The following PRR35 variants were observed in gnomAD, a reference collection of about 807,000 sequenced individuals.
PRR35 encodes proline-rich protein 35.
PRR35 carries 14 observed loss-of-function variants against 18.6 expected under a neutral mutation model. The observed-to-expected ratio is 0.75, with a 90% CI of 0.50 to 1.18. The LOEUF is 1.18. PRR35 is among the 50% of genes most tolerant of loss of function. PRR35 has a pLI of 0.00. For missense variants in PRR35, 832 were observed against 792.2 expected (o/e 1.05, Z -0.60); for synonymous variants, 425 against 378.2 (o/e 1.12, Z -1.43).
chr16:562,113 G>A (rs72767842), intron 1 of PRR35, among the ~76,000 whole-genome samples: 2 of 152,368 alleles, frequency 1.3e-5, no homozygotes, highest in Non-Finnish European at 2.9e-5. Flanking sequence ...CCACACAGGC[G>A]CGTGCTGGGG....
In PRR35 at chr16:564,258, C is replaced by G. The variant is rs1244365721; in HGVS notation, c.964C>G (p.Gln322Glu). 4.4e-6 allele frequency: 7 copies of G among 1,578,128 alleles called. No homozygotes were observed. In the African/African-American group the frequency reaches 6.7e-5, roughly 15 times the overall value. ...CCGAGTCACCCCCAGGGACCCAGGGCAGGAGGGGGAGCTGGAGCGGGCAGC... is the reference window on the plus strand; with the variant it reads ...CCGAGTCACCCCCAGGGACCCAGGGGAGGAGGGGGAGCTGGAGCGGGCAGC... Reference protein sequence around the residue: ...WPRVTPRDPGQEGELERAAQS... With the variant: ...WPRVTPRDPGEEGELERAAQS... The change falls in exon 2 of 3, where the codon CAG (glutamine) becomes GAG (glutamate). Residue 322 changes from glutamine (Q) to glutamate (E), a missense_variant. By Grantham distance (29) the Gln-to-Glu change is conservative. Coordinates refer to ENST00000409413, the MANE Select transcript of PRR35 (RefSeq NM_145270.3).
chr16:565,306 G>A lies in PRR35; in HGVS notation c.1715G>A (p.Ter572=), dbSNP rs767071508. 6.7e-7 allele frequency: 1 copy of A among 1,491,224 alleles called. No homozygotes were observed. Among genetic ancestry groups the A allele is most frequent in the Non-Finnish European group, 8.9e-7 (1 of 1,119,772 alleles). 92.4% of individuals were successfully genotyped at this position (1,491,224 alleles called of 1,614,324 possible). A position where few individuals can be genotyped will look rare whatever the true frequency, so the allele number is the denominator to read the frequency against. The change falls in exon 3 of 3, where the codon TGA becomes TAA. Residue 572 remains the stop codon, a stop_retained_variant. Transcript: ENST00000409413. ...CAGAGCCCCCAGGGCGCCGAGGTCT[G>A]ACCTGCAGCGCCTGAGGTCTGACTG... is the stretch of plus-strand genomic sequence containing the variant. ...GLQSPQGAEV[*]
At position 564,654 on chromosome 16, in the gene PRR35, G is replaced by C; in HGVS notation, c.1083-20G>C. On this transcript the variant is annotated intron_variant, in intron 2 of 2. Coordinates refer to ENST00000409413, the MANE Select transcript of PRR35 (RefSeq NM_145270.3). ...CGCTGTGGGGGCAGTGCGGCCTCCT[G>C]ACCAGCTTCCACCCCACAGCCTGCC... 1 of 1,510,234 alleles carries C rather than the reference G, an allele frequency of 6.6e-7. No individual in the cohort carries two copies. Among genetic ancestry groups the C allele is most frequent in the Non-Finnish European group, 8.8e-7 (1 of 1,134,160 alleles). The allele number at this position is 1,510,234 out of a possible 1,614,324, so 93.6% of individuals were successfully genotyped here. A position where few individuals can be genotyped will look rare whatever the true frequency, so the allele number is the denominator to read the frequency against.
At position 564,370 on chromosome 16, in the gene PRR35, G is replaced by A. The variant is rs778874488; in HGVS notation, c.1076G>A (p.Arg359Gln). Residue 359 changes from arginine (R) to glutamine (Q), a missense_variant, in exon 2 of 3, where the codon CGG becomes CAG. Physicochemically the swap from Arg to Gln is conservative, Grantham distance 43 (BLOSUM62 1). Coordinates refer to ENST00000409413, the MANE Select transcript of PRR35 (RefSeq NM_145270.3). The stretch of plus-strand genomic sequence containing the variant: ...CCCAGCCTGACAAGGTTCTGTTCCC[G>A]GAGCAGGTGGGCGTCTTGGGCTCCC... ...ASPSLTRFCSRSSLPTGSSVM... is the reference protein window; with the variant it reads ...ASPSLTRFCSQSSLPTGSSVM... The A allele has an allele frequency of 2.7e-5, 43 of 1,589,226 alleles. No homozygotes were observed. The highest frequency in any genetic ancestry group is 1.1e-4 in the East Asian group (5 of 44,516).
chr16:560,205 A>G (rs1235643687), upstream of PRR35, among the ~76,000 whole-genome samples: 1 of 149,926 alleles, frequency 6.7e-6, no homozygotes, highest in African/African-American at 2.4e-5. Context: ...GCGCGCCCCG[A>G]GAGCTGAGCC....
In PRR35 at chr16:564,764, G is replaced by A. The variant is rs758978741; in HGVS notation, c.1173G>A (p.Leu391=). The A allele has an allele frequency of 4.5e-6, 7 of 1,539,832 alleles. No individual in the cohort carries two copies. Among genetic ancestry groups the A allele is most frequent in the Admixed American group, 1.9e-5 (1 of 51,932 alleles). ...CCGGCCCTGAGGGCCCCCTCCCCCT[G>A]CAGCCACGGGGCCCAGTGCCAGGAA... ...ETPGPEGPLP[L]QPRGPVPGSP... is the part of the protein sequence containing the mutation. Residue 391 remains leucine, a synonymous_variant, in exon 3 of 3, where the codon CTG becomes CTA. Transcript: ENST00000409413.
Position 560,622 on chromosome 16 carries a change from G to T in PRR35, c.-79G>T. The T allele has an allele frequency of 4.1e-6, 4 of 983,160 alleles. No individual in the cohort carries two copies. The highest frequency in any genetic ancestry group is 4.8e-6 in the Non-Finnish European group (4 of 828,998). The allele number at this position is 983,160 out of a possible 1,614,324, so 60.9% of individuals were successfully genotyped here. Reference sequence around the variant, plus strand: ...GCGGGAAGTTTGCGCCCTACACGCGGCCTCGCAGACTTGGCGGCTCCGCTC... The same window carrying T: ...GCGGGAAGTTTGCGCCCTACACGCGTCCTCGCAGACTTGGCGGCTCCGCTC... On this transcript the variant is annotated 5_prime_UTR_variant, in exon 1 of 3. Transcript: ENST00000409413.
intron 1 of PRR35, chr16:561,687 C>T (rs1162662740): frequency 3.1e-6 from 3 of 973,724 alleles, no homozygotes; most frequent in South Asian, 4.7e-5. Context: ...GTTGGTCGTC[C>T]CCCCAACGGC....
chr16:560,617 A>C lies in PRR35; in HGVS notation c.-84A>C. Reference sequence around the variant, plus strand: ...GAGGGGCGGGAAGTTTGCGCCCTACACGCGGCCTCGCAGACTTGGCGGCTC... The same window carrying C: ...GAGGGGCGGGAAGTTTGCGCCCTACCCGCGGCCTCGCAGACTTGGCGGCTC... On this transcript the variant is annotated 5_prime_UTR_variant, in exon 1 of 3. Transcript: ENST00000409413. 2.0e-6 allele frequency: 2 copies of C among 982,226 alleles called. No individual in the cohort carries two copies. The highest frequency in any genetic ancestry group is 1.2e-6 in the Non-Finnish European group (1 of 828,764). 60.8% of individuals were successfully genotyped at this position (982,226 alleles called of 1,614,324 possible).
Position 560,758 on chromosome 16 carries a change from G to T in PRR35, c.-40+97G>T, listed in dbSNP as rs1200189419. On this transcript the variant is annotated intron_variant, in intron 1 of 2. Transcript: ENST00000409413. ...CAGCGGGTGGCCAGGCGTGTGGGGG[G>T]CGCGGGGGGCGGCCGGGTCCCCCCC... The T allele has an allele frequency of 4.4e-6, 4 of 906,116 alleles. No homozygotes were observed. In the African/African-American group the frequency reaches 5.4e-5, roughly 12 times the overall value. 56.1% of individuals were successfully genotyped at this position (906,116 alleles called of 1,614,324 possible). A position where few individuals can be genotyped will look rare whatever the true frequency, so the allele number is the denominator to read the frequency against.
chr16:561,757 C>T (rs1314086572), intron 1 of PRR35: 1 of 985,344 alleles, frequency 1.0e-6, no homozygotes, highest in Non-Finnish European at 1.2e-6. Context: ...CTGCTCAACC[C>T]ACTGGCCATG....
In PRR35 at chr16:560,678, C is replaced by A. The variant is rs1213302300; in HGVS notation, c.-40+17C>A. On this transcript the variant is annotated intron_variant, in intron 1 of 2. Transcript: ENST00000409413. ...CGGGCGCAGGTAGGAGCGGCGGGAG[C>A]CGCGGGGGCGGCCAGTTGGGCGTCG... The A allele has an allele frequency of 2.0e-6, 2 of 983,124 alleles. No individual in the cohort carries two copies. Among genetic ancestry groups the A allele is most frequent in the East Asian group, 2.3e-4 (2 of 8,702 alleles). 60.9% of individuals were successfully genotyped at this position (983,124 alleles called of 1,614,324 possible). A position where few individuals can be genotyped will look rare whatever the true frequency, so the allele number is the denominator to read the frequency against.
upstream of PRR35, chr16:560,319 C>G (rs1405122259): frequency 1.0e-4 from 99 of 980,662 alleles, no homozygotes; most frequent in South Asian, 4.0e-3. Context: ...TTCCCTCCCG[C>G]CGCGAGCGCG....
chr16:560,239 A>C, upstream of PRR35: 1 of 658,308 alleles, frequency 1.5e-6, no homozygotes, highest in African/African-American at 2.0e-5. Flanking sequence ...GAGGCCGGTG[A>C]GTGCGCGCCA....
At chr16:562,881 C>T (rs2035462544) in intron 1 of PRR35, among the ~76,000 whole-genome samples, 1 of 152,166 alleles carries the variant, frequency 6.6e-6, no homozygotes, top group Admixed American at 6.5e-5. Context: ...TGTGTAGGGT[C>T]AACCGATAAA....
At chr16:561,485 C>T (rs945754970) in intron 1 of PRR35, among the ~76,000 whole-genome samples, 2 of 152,192 alleles carry the variant, frequency 1.3e-5, no homozygotes, top group Admixed American at 6.5e-5. Context: ...GCCGCCTCTG[C>T]ACCCACCACC....
At position 565,355 on chromosome 16, in the gene PRR35, C is replaced by G. The variant is rs770229111; in HGVS notation, c.*48C>G. ...TGTCTCTGCCTGCAGCATGCCGGCC[C>G]CTCTCCTGCAGCCCCTGCCCCTCAC... On this transcript the variant is annotated 3_prime_UTR_variant, in exon 3 of 3. Transcript: ENST00000409413. The G allele has an allele frequency of 2.5e-5, 36 of 1,418,670 alleles. 1 individual carries two copies. In the South Asian group the frequency reaches 5.4e-4, roughly 21 times the overall value. The allele number at this position is 1,418,670 out of a possible 1,614,324, so 87.9% of individuals were successfully genotyped here. A position where few individuals can be genotyped will look rare whatever the true frequency, so the allele number is the denominator to read the frequency against.
Position 564,371 on chromosome 16 carries a change from G to T in PRR35, c.1077G>T (p.Arg359=). 6.3e-7 allele frequency: 1 copy of T among 1,589,852 alleles called. No individual in the cohort carries two copies. Among genetic ancestry groups the T allele is most frequent in the South Asian group, 1.1e-5 (1 of 89,188 alleles). ...CCAGCCTGACAAGGTTCTGTTCCCGGAGCAGGTGGGCGTCTTGGGCTCCCG... is the reference window on the plus strand; with the variant it reads ...CCAGCCTGACAAGGTTCTGTTCCCGTAGCAGGTGGGCGTCTTGGGCTCCCG... The part of the protein sequence containing the change: ...ASPSLTRFCS[R]SSLPTGSSVM... The change falls in exon 2 of 3, where the codon CGG becomes CGT. Residue 359 remains arginine (R), a synonymous_variant. Transcript: ENST00000409413.
At chr16:560,244 G>GT (rs2035410589), upstream of PRR35, 1 of 715,728 alleles carries the variant, frequency 1.4e-6, no homozygotes, top group Non-Finnish European at 1.7e-6. Flanking sequence ...CGGTGAGTGC[G>GT]CGCCAGGGGG....
Sources: gnomAD v4.1 joint callset for allele counts (sites outside exome capture counted in the v4.1 genomes callset) on GRCh38, gnomAD v4.1.1 for gene constraint, MANE v1.5 for transcripts, NCBI Gene and HGNC (gene_info 2026-07-23, HGNC 2026-07-21) for gene names.